Variants in RCAN2 observed in about 807,000 individuals in gnomAD.
RCAN2 encodes the protein regulator of calcineurin 2.
A neutral mutation model predicts 23.6 loss-of-function variants in RCAN2; 9 were observed. That is an observed-to-expected ratio of 0.38 (90% CI 0.23 to 0.67). The LOEUF is 0.67. RCAN2 is among the 30% of genes least tolerant of loss of function. RCAN2 has a pLI of 0.51. For synonymous variants in RCAN2, 109 were observed against 115.7 expected, an observed-to-expected ratio of 0.94 and a Z score of 0.37; for missense variants, 273 against 302.3, an observed-to-expected ratio of 0.90 and a Z score of 0.72.
At chr6:46,263,967 C>G (rs1767231157) in intron 2 of RCAN2, among the ~76,000 whole-genome samples, 1 of 152,138 alleles carries the variant, frequency 6.6e-6, no homozygotes, top group Non-Finnish European at 1.5e-5. Flanking sequence ...GAATACATTC[C>G]ATTTGAGTTC....
chr6:46,325,346 C>A, intron 2 of RCAN2: 1 of 1,607,196 alleles, frequency 6.2e-7, no homozygotes. Flanking sequence ...CTCTGCCAAG[C>A]AGCGTCAGTA....
At chr6:46,465,166 A>G (rs1208005671) in intron 1 of RCAN2, among the ~76,000 whole-genome samples, 2 of 152,222 alleles carry the variant, frequency 1.3e-5, no homozygotes, top group Non-Finnish European at 2.9e-5. Flanking sequence ...GGTTTGCTGC[A>G]AAAGAACAGA....
chr6:46,376,245 C>A (rs1184057972), intron 2 of RCAN2, among the ~76,000 whole-genome samples: 1 of 152,194 alleles, frequency 6.6e-6, no homozygotes. Flanking sequence ...CTATGTAATG[C>A]CTGGCACACA....
chr6:46,429,122 G>C (rs1188982887), intron 2 of RCAN2, among the ~76,000 whole-genome samples: 1 of 152,166 alleles, frequency 6.6e-6, no homozygotes, highest in African/African-American at 2.4e-5. Context: ...GGCAAAAGGG[G>C]TGATCCAGGA....
chr6:46,408,138 C>T (rs755479575), intron 2 of RCAN2, among the ~76,000 whole-genome samples: 3 of 152,160 alleles, frequency 2.0e-5, no homozygotes, highest in Admixed American at 6.5e-5. Context: ...TTTTCAAGGG[C>T]GCCTCTGTCA....
chr6:46,346,937 G>A (rs191729361), intron 2 of RCAN2, among the ~76,000 whole-genome samples: 75 of 151,914 alleles, frequency 4.9e-4, no homozygotes, highest in African/African-American at 1.6e-3. Flanking sequence ...GTGCAGTGGC[G>A]TGATCTCCGC....
At chr6:46,384,659 GC>G (rs1303149880) in intron 2 of RCAN2, among the ~76,000 whole-genome samples, 1 of 152,200 alleles carries the variant, frequency 6.6e-6, no homozygotes, top group African/African-American at 2.4e-5. Context: ...AACAAATGGA[GC>G]CTTGCACAAA....
At chr6:46,317,747 A>G (rs1053583765) in intron 2 of RCAN2, among the ~76,000 whole-genome samples, 8 of 152,250 alleles carry the variant, frequency 5.3e-5, no homozygotes, top group East Asian at 3.9e-4. Flanking sequence ...TTACAGGCGT[A>G]AGGCACCGCG....
chr6:46,441,327 C>A (rs903677681), intron 2 of RCAN2, among the ~76,000 whole-genome samples: 1 of 152,176 alleles, frequency 6.6e-6, no homozygotes, highest in Non-Finnish European at 1.5e-5. Context: ...AGGATTTGGA[C>A]CCCAATGCTT....
intron 4 of RCAN2, among the ~76,000 whole-genome samples, chr6:46,227,416 G>A (rs924646706): frequency 1.3e-5 from 2 of 152,074 alleles, no homozygotes; most frequent in Non-Finnish European, 2.9e-5. Flanking sequence ...ATCTGGTTCT[G>A]GACTTTTTTT....
At chr6:46,393,419 T>C (rs1765993854) in intron 2 of RCAN2, among the ~76,000 whole-genome samples, 1 of 152,096 alleles carries the variant, frequency 6.6e-6, no homozygotes. Flanking sequence ...GTGAGTAGTT[T>C]GTAGTAAGTG....
In RCAN2 at chr6:46,248,714, T is replaced by A; in HGVS notation, c.399+9A>T. 1 of 1,572,438 alleles carries A rather than the reference T, an allele frequency of 6.4e-7. No homozygotes were observed. The highest frequency in any genetic ancestry group is 8.6e-7 in the Non-Finnish European group (1 of 1,161,218). ...CAAAAAGAATAACTTTGGTAAACAATTACCTTACCTGTGCAAAGTAGAGCT... is the reference window on the plus strand; with the variant it reads ...CAAAAAGAATAACTTTGGTAAACAAATACCTTACCTGTGCAAAGTAGAGCT... On this transcript the variant is annotated intron_variant, in intron 3 of 4. Transcript: ENST00000371374.
intron 2 of RCAN2, among the ~76,000 whole-genome samples, chr6:46,352,777 AG>A (rs1561871235): frequency 6.6e-6 from 1 of 152,164 alleles, no homozygotes; most frequent in Admixed American, 6.5e-5. Context: ...GGGGAAAAAA[AG>A]GTCCTGTCAC....
At chr6:46,339,796 G>C (rs1316382323) in intron 2 of RCAN2, among the ~76,000 whole-genome samples, 1 of 151,922 alleles carries the variant, frequency 6.6e-6, no homozygotes, top group East Asian at 1.9e-4. Context: ...TGCAAAGTTG[G>C]AACCAGGGCC....
chr6:46,405,948 C>T (rs1766388074), intron 2 of RCAN2, among the ~76,000 whole-genome samples: 1 of 152,234 alleles, frequency 6.6e-6, no homozygotes, highest in Non-Finnish European at 1.5e-5. Flanking sequence ...AGATCGAGCA[C>T]AGCGCCGGTG....
intron 2 of RCAN2, among the ~76,000 whole-genome samples, chr6:46,343,158 T>C (rs1338753989): frequency 6.6e-6 from 1 of 151,962 alleles, no homozygotes; most frequent in African/African-American, 2.4e-5. Context: ...AAAAAGACAT[T>C]ATATACAGGA....
chr6:46,427,558 A>G (rs960572750), intron 2 of RCAN2, among the ~76,000 whole-genome samples: 16 of 152,242 alleles, frequency 1.1e-4, no homozygotes, highest in Non-Finnish European at 1.6e-4. Flanking sequence ...GGCTTGGGGC[A>G]TAACAAGACT....
chr6:46,334,541 T>C (rs1323862615), intron 2 of RCAN2, among the ~76,000 whole-genome samples: 3 of 152,116 alleles, frequency 2.0e-5, no homozygotes, highest in Non-Finnish European at 4.4e-5. Flanking sequence ...ATGACTCAGG[T>C]CACTGGACAA....
chr6:46,350,393 CAG>C (rs1219637626), intron 2 of RCAN2, among the ~76,000 whole-genome samples: 3 of 152,082 alleles, frequency 2.0e-5, no homozygotes, highest in Non-Finnish European at 2.9e-5. Context: ...TAGAGGTGTC[CAG>C]AGAGTAGCTT....
Sources: gnomAD v4.1 joint callset for allele counts (sites outside exome capture counted in the v4.1 genomes callset) on GRCh38, gnomAD v4.1.1 for gene constraint, MANE v1.5 for transcripts, NCBI Gene and HGNC (gene_info 2026-07-23, HGNC 2026-07-21) for gene names.